Variants in PALM2AKAP2 observed in about 807,000 individuals in gnomAD.
PALM2AKAP2 encodes PALM2-AKAP2 fusion protein.
A neutral mutation model predicts 71.5 loss-of-function variants in PALM2AKAP2; 37 were observed. The observed-to-expected ratio is 0.52, with a 90% confidence interval of 0.40 to 0.68. The LOEUF (loss-of-function observed/expected upper bound fraction) is 0.68, where lower values mean the gene tolerates loss of function less well. PALM2AKAP2 is among the 30% of genes least tolerant of loss of function. The pLI, the probability that PALM2AKAP2 is intolerant of heterozygous loss-of-function variation, is 0.00. For synonymous variants in PALM2AKAP2, 468 were observed against 478.8 expected, an observed-to-expected ratio of 0.98 and a Z score of 0.29; for missense variants, 1,224 against 1,191.8, an observed-to-expected ratio of 1.03 and a Z score of -0.40.
chr9:110,066,354 C>T (rs1215614703), intron 1 of PALM2AKAP2, among the ~76,000 whole-genome samples: 1 of 152,232 alleles, frequency 6.6e-6, no homozygotes, highest in South Asian at 2.1e-4. Context: ...CTGTAAAACG[C>T]AGATAATAGT....
intron 2 of PALM2AKAP2, among the ~76,000 whole-genome samples, chr9:110,155,890 C>T (rs1170225292): frequency 1.3e-5 from 2 of 152,188 alleles, no homozygotes; most frequent in East Asian, 3.8e-4. Context: ...CACTGGCTCC[C>T]TATGACTTGA....
rs77871731 is a variant in PALM2AKAP2, at chr9:109,697,000, C to T, written c.5+56134C>T. On this transcript the variant is annotated intron_variant, in intron 1 of 6. Coordinates refer to the PALM2AKAP2 transcript ENST00000374531. Reference sequence around the variant, plus strand: ...AACCTCATCTTTCCTTAGCTTCTTCCCCAGCCTAACTTTTCTCTCTGGTTT... The same window carrying T: ...AACCTCATCTTTCCTTAGCTTCTTCTCCAGCCTAACTTTTCTCTCTGGTTT... Among the ~76,000 whole-genome samples the T allele has an allele frequency of 9.0e-3, 1,371 of 152,222 alleles. 59 individuals are homozygous for T. In the East Asian group the frequency reaches 0.11, roughly 12 times the overall value.
chr9:109,950,956 C>T (rs1193407479), intron 6 of PALM2AKAP2, among the ~76,000 whole-genome samples: 1 of 152,248 alleles, frequency 6.6e-6, no homozygotes, highest in Non-Finnish European at 1.5e-5. Context: ...ACAGAGGCCA[C>T]CAGGCAATGC....
At chr9:109,974,967 C>G (rs1832145078) in intron 6 of PALM2AKAP2, among the ~76,000 whole-genome samples, 1 of 152,106 alleles carries the variant, frequency 6.6e-6, no homozygotes, top group African/African-American at 2.4e-5. Context: ...GTCTTTGAAA[C>G]AGATGACTCT....
chr9:109,861,702 G>A (rs1829314896), intron 1 of PALM2AKAP2, among the ~76,000 whole-genome samples: 1 of 152,118 alleles, frequency 6.6e-6, no homozygotes, highest in Non-Finnish European at 1.5e-5. Flanking sequence ...CCCAGAATAA[G>A]CTTTCCATGA....
intron 1 of PALM2AKAP2, among the ~76,000 whole-genome samples, chr9:109,693,106 G>C (rs929615624): frequency 1.1e-4 from 16 of 152,032 alleles, no homozygotes; most frequent in African/African-American, 3.9e-4. Context: ...TTTGGGGCTT[G>C]ATATTTCTTT....
chr9:109,645,449 G>C (rs1827137335), intron 1 of PALM2AKAP2, among the ~76,000 whole-genome samples: 2 of 151,688 alleles, frequency 1.3e-5, no homozygotes, highest in Admixed American at 1.3e-4. Context: ...ATATCACCAA[G>C]GTTTCCAATT....
At chr9:109,993,871 T>C (rs1270406463) in intron 6 of PALM2AKAP2, among the ~76,000 whole-genome samples, 2 of 152,036 alleles carry the variant, frequency 1.3e-5, no homozygotes, top group East Asian at 3.9e-4. Context: ...CTCACATCTC[T>C]CTTCATCTCT....
intron 1 of PALM2AKAP2, among the ~76,000 whole-genome samples, chr9:110,059,298 G>C (rs1588083908): frequency 6.6e-6 from 1 of 152,282 alleles, no homozygotes; most frequent in East Asian, 1.9e-4. Context: ...AATGTCTGCT[G>C]TCTTGTTTTT....
At chr9:110,093,903 G>A (rs767084622) in intron 1 of PALM2AKAP2, among the ~76,000 whole-genome samples, 11 of 152,124 alleles carry the variant, frequency 7.2e-5, no homozygotes, top group Non-Finnish European at 1.3e-4. Flanking sequence ...CTATACTCTC[G>A]TGATACCTTG....
intron 6 of PALM2AKAP2, among the ~76,000 whole-genome samples, chr9:110,001,680 T>C (rs1832683759): frequency 6.6e-6 from 1 of 152,162 alleles, no homozygotes; most frequent in Admixed American, 6.5e-5. Flanking sequence ...TGTATCCTCT[T>C]TGATTTCATT....
Position 110,135,164 on chromosome 9 carries a change from A to AAAAAAAAAAAAAAT in PALM2AKAP2, c.157-962_157-961insAAAAAAAAAAAATA. Among the ~76,000 whole-genome samples, 13 of 51,742 alleles carry AAAAAAAAAAAAAAT rather than the reference A, an allele frequency of 2.5e-4. 4 individuals are homozygous for AAAAAAAAAAAAAAT. The highest frequency in any genetic ancestry group is 2.5e-3 in the East Asian group (2 of 796). 33.9% of individuals were successfully genotyped at this position (51,742 alleles called of 152,430 possible). On this transcript the variant is annotated intron_variant, in intron 1 of 3. Transcript: ENST00000374525. ...AACTCTGTCTCTACAAAAAAAAAAA[A>AAAAAAAAAAAAAAT]ATATATAAATATATATATATATATA...
At chr9:110,159,179 G>A (rs1026367371) in intron 3 of PALM2AKAP2, among the ~76,000 whole-genome samples, 2 of 152,118 alleles carry the variant, frequency 1.3e-5, no homozygotes, top group Non-Finnish European at 1.5e-5. Flanking sequence ...TTACCTATCC[G>A]TAGAAGCATA....
intron 1 of PALM2AKAP2, among the ~76,000 whole-genome samples, chr9:110,099,198 A>G (rs1479662265): frequency 6.6e-6 from 1 of 152,252 alleles, no homozygotes; most frequent in Non-Finnish European, 1.5e-5. Flanking sequence ...GGAATGCCTT[A>G]GAAATGTAAT....
intron 1 of PALM2AKAP2, among the ~76,000 whole-genome samples, chr9:109,693,638 CTG>C (rs1270210515): frequency 6.6e-6 from 1 of 152,020 alleles, no homozygotes; most frequent in Admixed American, 6.6e-5. Context: ...TTGTAACACA[CTG>C]TGTTATCATT....
intron 2 of PALM2AKAP2, among the ~76,000 whole-genome samples, chr9:109,871,013 T>C (rs541559345): frequency 2.0e-5 from 3 of 152,230 alleles, no homozygotes; most frequent in African/African-American, 7.2e-5. Context: ...TCTCATATTC[T>C]ATGTCTTAAG....
chr9:109,786,042 T>C (rs1013334387), intron 1 of PALM2AKAP2, among the ~76,000 whole-genome samples: 1 of 152,244 alleles, frequency 6.6e-6, no homozygotes, highest in Non-Finnish European at 1.5e-5. Flanking sequence ...CAGTCCTGCA[T>C]AGACCTGGGT....
chr9:109,918,321 A>G (rs1209916432), intron 3 of PALM2AKAP2, among the ~76,000 whole-genome samples: 1 of 152,172 alleles, frequency 6.6e-6, no homozygotes, highest in African/African-American at 2.4e-5. Flanking sequence ...AGGATGATCT[A>G]TTGGGGTTAG....
At chr9:109,772,235 C>G (rs1355749773) in intron 1 of PALM2AKAP2, among the ~76,000 whole-genome samples, 3 of 152,190 alleles carry the variant, frequency 2.0e-5, no homozygotes, top group African/African-American at 7.2e-5. Context: ...GCACAGAGTC[C>G]TCACAGAGCC....
Sources: gnomAD v4.1 joint callset for allele counts (sites outside exome capture counted in the v4.1 genomes callset) on GRCh38, gnomAD v4.1.1 for gene constraint, MANE v1.5 for transcripts, NCBI Gene and HGNC (gene_info 2026-07-23, HGNC 2026-07-21) for gene names.